The following XKR4 variants were observed in gnomAD, a reference collection of about 807,000 sequenced individuals.
The protein encoded by XKR4 is XK-related protein 4.
A neutral mutation model predicts 53.9 loss-of-function variants in XKR4; 12 were observed. The ratio of observed to expected loss-of-function variants is 0.22; its 90% CI spans 0.14 to 0.36. XKR4 has a LOEUF of 0.36. Ranked by LOEUF, XKR4 falls within the 10% of genes least tolerant of loss-of-function variation. The probability of loss-of-function intolerance (pLI) is 1.00; values close to 1 mark genes in which losing one functional copy is unlikely to be tolerated. For synonymous variants in XKR4, 354 were observed against 362.4 expected, an observed-to-expected ratio of 0.98 and a Z score of 0.26; for missense variants, 799 against 859.5, an observed-to-expected ratio of 0.93 and a Z score of 0.88.
At chr8:55,296,307 CA>C (rs1819100564) in intron 1 of XKR4, among the ~76,000 whole-genome samples, 1 of 152,188 alleles carries the variant, frequency 6.6e-6, no homozygotes, top group South Asian at 2.1e-4. Context: ...CAGCCACCCT[CA>C]GCTACTGCTA....
intron 1 of XKR4, among the ~76,000 whole-genome samples, chr8:55,266,547 T>C (rs2129371803): frequency 6.6e-6 from 1 of 152,238 alleles, no homozygotes; most frequent in East Asian, 1.9e-4. Context: ...AAACTCAATA[T>C]ACTCGTGGAA....
Position 55,416,823 on chromosome 8 carries a change from T to C in XKR4, c.1006+58946T>C, listed in dbSNP as rs907159386. 2.0e-5 allele frequency among the ~76,000 whole-genome samples: 3 copies of C among 152,218 alleles called. 1 individual carries two copies. Among genetic ancestry groups the C allele is most frequent in the Non-Finnish European group, 1.5e-5 (1 of 68,036 alleles). Reference sequence around the variant, plus strand: ...TATGAATTTAAGCCGTATGCCCAAGTCTACAGTTTTTAACTCACAAGACAA... The same window carrying C: ...TATGAATTTAAGCCGTATGCCCAAGCCTACAGTTTTTAACTCACAAGACAA... On this transcript the variant is annotated intron_variant, in intron 2 of 2. Coordinates refer to ENST00000327381, the MANE Select transcript of XKR4 (RefSeq NM_052898.2).
At chr8:55,479,612 A>C (rs562587259) in intron 2 of XKR4, among the ~76,000 whole-genome samples, 1 of 152,166 alleles carries the variant, frequency 6.6e-6, no homozygotes, top group South Asian at 2.1e-4. Context: ...AATCCAGGAG[A>C]TTGTTTTTTG....
chr8:55,200,696 C>G (rs1190439998), intron 1 of XKR4, among the ~76,000 whole-genome samples: 1 of 152,136 alleles, frequency 6.6e-6, no homozygotes, highest in Non-Finnish European at 1.5e-5. Context: ...TTTACTGTTA[C>G]AAAAAGAAAG....
At chr8:55,427,817 T>C (rs1805039428) in intron 2 of XKR4, among the ~76,000 whole-genome samples, 2 of 152,222 alleles carry the variant, frequency 1.3e-5, no homozygotes. Flanking sequence ...AACAAATGTT[T>C]ATTAATCCTT....
intron 2 of XKR4, among the ~76,000 whole-genome samples, chr8:55,435,612 C>G (rs1278435804): frequency 6.7e-6 from 1 of 148,442 alleles, no homozygotes; most frequent in African/African-American, 2.5e-5. Flanking sequence ...CTCTTTCTCT[C>G]AAGAAAGAGT....
At chr8:55,198,129 A>G (rs1406058316) in intron 1 of XKR4, among the ~76,000 whole-genome samples, 1 of 152,190 alleles carries the variant, frequency 6.6e-6, no homozygotes, top group African/African-American at 2.4e-5. Flanking sequence ...ATTGATTCCA[A>G]TTTGGCAGCC....
chr8:55,428,389 C>T (rs754016380), intron 2 of XKR4, among the ~76,000 whole-genome samples: 17 of 152,258 alleles, frequency 1.1e-4, no homozygotes, highest in South Asian at 6.2e-4. Context: ...AGCCAAATGA[C>T]CAGGTAGAGA....
chr8:55,483,562 T>C (rs1259396365), intron 2 of XKR4, among the ~76,000 whole-genome samples: 3 of 151,958 alleles, frequency 2.0e-5, no homozygotes, highest in African/African-American at 7.2e-5. Context: ...GGATGCCAGG[T>C]GGAAACACTT....
chr8:55,450,409 A>G, intron 2 of XKR4: 1 of 579,862 alleles, frequency 1.7e-6, no homozygotes, highest in Non-Finnish European at 3.1e-6. Flanking sequence ...GTTGTGGAAC[A>G]TGGCTGTCCT....
chr8:55,278,280 T>C (rs1818792735), intron 1 of XKR4, among the ~76,000 whole-genome samples: 1 of 148,188 alleles, frequency 6.7e-6, no homozygotes, highest in African/African-American at 2.5e-5. Flanking sequence ...GAGGTTGCAG[T>C]GAGCCAAGAT....
chr8:55,390,884 A>C (rs190635172), intron 2 of XKR4, among the ~76,000 whole-genome samples: 9 of 152,228 alleles, frequency 5.9e-5, no homozygotes, highest in African/African-American at 9.6e-5. Flanking sequence ...AGCCATTCTC[A>C]TCTCCTTCTT....
intron 1 of XKR4, among the ~76,000 whole-genome samples, chr8:55,142,999 C>T (rs6993333): frequency 0.25 from 38,029 of 151,786 alleles, 5,375 homozygotes; most frequent in East Asian, 0.37. Flanking sequence ...TTTTTTTTAG[C>T]TTCACATGAA....
chr8:55,514,500 G>T (rs1038488193), intron 2 of XKR4, among the ~76,000 whole-genome samples: 9 of 151,852 alleles, frequency 5.9e-5, no homozygotes, highest in Non-Finnish European at 8.8e-5. Flanking sequence ...CAAGTGATCC[G>T]CCCGCCTCGG....
chr8:55,408,605 G>C (rs1255441098), intron 2 of XKR4, among the ~76,000 whole-genome samples: 1 of 152,170 alleles, frequency 6.6e-6, no homozygotes, highest in African/African-American at 2.4e-5. Flanking sequence ...TGGACACAAT[G>C]GTCCTGAAAA....
At chr8:55,308,208 G>A (rs570293833) in intron 1 of XKR4, among the ~76,000 whole-genome samples, 7 of 152,268 alleles carry the variant, frequency 4.6e-5, no homozygotes, top group African/African-American at 1.2e-4. Context: ...AGCCGAGATC[G>A]TGCCATTGTG....
At chr8:55,180,625 T>G (rs183336599) in intron 1 of XKR4, among the ~76,000 whole-genome samples, 39 of 152,258 alleles carry the variant, frequency 2.6e-4, no homozygotes, top group African/African-American at 9.4e-4. Flanking sequence ...CTCCGCCTCC[T>G]GGTTCAAATG....
At chr8:55,484,795 C>T (rs932110711) in intron 2 of XKR4, among the ~76,000 whole-genome samples, 1 of 152,222 alleles carries the variant, frequency 6.6e-6, no homozygotes, top group Non-Finnish European at 1.5e-5. Flanking sequence ...AGAAAGAATT[C>T]TTTCTCTTTG....
intron 1 of XKR4, among the ~76,000 whole-genome samples, chr8:55,202,150 T>A (rs1015808839): frequency 6.6e-6 from 1 of 152,172 alleles, no homozygotes; most frequent in African/African-American, 2.4e-5. Context: ...GGAAGTTGGC[T>A]CCAAATTTGA....
Sources: gnomAD v4.1 joint callset for allele counts (sites outside exome capture counted in the v4.1 genomes callset) on GRCh38, gnomAD v4.1.1 for gene constraint, MANE v1.5 for transcripts, NCBI Gene and HGNC (gene_info 2026-07-23, HGNC 2026-07-21) for gene names.